ATP2B4: variants seen among roughly 807,000 people sequenced by gnomAD.
ATP2B4 encodes ATPase plasma membrane Ca2+ transporting 4.
A neutral mutation model predicts 110.3 loss-of-function variants in ATP2B4; 39 were observed. The observed-to-expected ratio is 0.35, with a 90% CI of 0.27 to 0.46. ATP2B4 has a LOEUF of 0.46. Ranked by LOEUF, ATP2B4 falls within the 20% of genes least tolerant of loss-of-function variation. The pLI is 1.00. For synonymous variants in ATP2B4, 538 were observed against 571.7 expected (o/e 0.94, Z 0.84); for missense variants, 1,135 against 1,530.9 (o/e 0.74, Z 4.32).
intron 20 of ATP2B4, among the ~76,000 whole-genome samples, chr1:203,734,959 C>T (rs1473184138): frequency 1.5e-5 from 2 of 131,494 alleles, no homozygotes; most frequent in African/African-American, 5.7e-5. Context: ...AGCCAAGATG[C>T]TCTACTGCAC....
chr1:203,715,560 A>T (rs994447877), intron 15 of ATP2B4, among the ~76,000 whole-genome samples: 2 of 142,616 alleles, frequency 1.4e-5, no homozygotes, highest in African/African-American at 2.6e-5. Flanking sequence ...CTCAAAAAAA[A>T]TTTTCTTTTC....
chr1:203,731,098 C>T (rs1666694976), intron 20 of ATP2B4, among the ~76,000 whole-genome samples: 1 of 152,190 alleles, frequency 6.6e-6, no homozygotes, highest in African/African-American at 2.4e-5. Context: ...AAGAAGGTGT[C>T]TCTACAGTCC....
chr1:203,730,147 A>T (rs547371001), intron 20 of ATP2B4, among the ~76,000 whole-genome samples: 13 of 150,664 alleles, frequency 8.6e-5, no homozygotes, highest in East Asian at 5.8e-4. Flanking sequence ...TCCTTTTTTT[A>T]AAAAAAAATT....
In ATP2B4 at chr1:203,699,522, G is replaced by A; in HGVS notation, c.454G>A (p.Gly152Arg). The A allele has an allele frequency of 6.2e-7, 1 of 1,614,158 alleles. No homozygotes were observed. The highest frequency in any genetic ancestry group is 8.5e-7 in the Non-Finnish European group (1 of 1,180,036). Residue 152 changes from glycine to arginine, a missense_variant, in exon 4 of 21, where the codon GGG becomes AGG. By Grantham distance (125) the Gly-to-Arg change is moderately radical. Transcript: ENST00000357681. Reference sequence around the variant, plus strand: ...TGAGGCACAAGCTGGCTGGATTGAGGGGGCAGCCATCCTTTTCTCAGTGAT... The same window carrying A: ...TGAGGCACAAGCTGGCTGGATTGAGAGGGCAGCCATCCTTTTCTCAGTGAT... ...ENEAQAGWIE[G>R]AAILFSVIIV... is the part of the protein sequence containing the mutation.
At chr1:203,680,477 T>C (rs1041639111) in intron 1 of ATP2B4, among the ~76,000 whole-genome samples, 8 of 151,684 alleles carry the variant, frequency 5.3e-5, no homozygotes, top group Admixed American at 6.6e-5. Context: ...GGTGTGGTGG[T>C]GGGCGCCTGT....
intron 14 of ATP2B4, 107 bp from the exon 15 acceptor site, chr1:203,714,064 A>G: frequency 9.1e-7 from 1 of 1,103,710 alleles, no homozygotes; most frequent in African/African-American, 1.5e-5. Context: ...AACTTCTAGG[A>G]AAGGGAAAAG....
At chr1:203,723,232 C>G (rs945903472) in intron 18 of ATP2B4, among the ~76,000 whole-genome samples, 10 of 151,334 alleles carry the variant, frequency 6.6e-5, no homozygotes, top group Non-Finnish European at 8.8e-5. Flanking sequence ...AGGGCACCTC[C>G]CTTTATTTGT....
At chr1:203,702,404 C>T (rs1258796869) in intron 7 of ATP2B4, among the ~76,000 whole-genome samples, 1 of 152,184 alleles carries the variant, frequency 6.6e-6, no homozygotes, top group African/African-American at 2.4e-5. Flanking sequence ...TAAACACCAA[C>T]AGTCATCAGT....
chr1:203,690,384 C>A (rs1665331030), intron 2 of ATP2B4, among the ~76,000 whole-genome samples: 1 of 152,206 alleles, frequency 6.6e-6, no homozygotes, highest in African/African-American at 2.4e-5. Flanking sequence ...ACTATTAATA[C>A]ATCTAACACT....
At chr1:203,637,435 C>CAAA (rs57493948) in intron 1 of ATP2B4, among the ~76,000 whole-genome samples, 20 of 89,034 alleles carry the variant, frequency 2.2e-4, no homozygotes, top group East Asian at 3.9e-4. Flanking sequence ...GACTCTGTCT[C>CAAA]AAAAAAAAAA....
At chr1:203,719,640 A>G (rs1666262300) in intron 15 of ATP2B4, among the ~76,000 whole-genome samples, 1 of 151,938 alleles carries the variant, frequency 6.6e-6, no homozygotes, top group African/African-American at 2.4e-5. Context: ...GCTTGAACCC[A>G]GGAGTCAGAG....
chr1:203,682,266 G>A (rs1665037984), intron 1 of ATP2B4, among the ~76,000 whole-genome samples: 1 of 151,968 alleles, frequency 6.6e-6, no homozygotes, highest in Non-Finnish European at 1.5e-5. Flanking sequence ...GAAGAGTGTG[G>A]GTTGTGGGAG....
intron 1 of ATP2B4, among the ~76,000 whole-genome samples, chr1:203,669,981 C>T (rs1029216854): frequency 2.0e-5 from 3 of 152,190 alleles, no homozygotes; most frequent in Non-Finnish European, 4.4e-5. Context: ...ACCTCTTTGC[C>T]TGCCCTTTGT....
At chr1:203,686,757 G>A (rs1237625567) in intron 2 of ATP2B4, among the ~76,000 whole-genome samples, 4 of 137,706 alleles carry the variant, frequency 2.9e-5, no homozygotes, top group Admixed American at 7.9e-5. Flanking sequence ...GTAATGGCGC[G>A]ATATTGGCTC....
At chr1:203,737,026 G>A (rs1666894184) in intron 20 of ATP2B4, among the ~76,000 whole-genome samples, 2 of 152,168 alleles carry the variant, frequency 1.3e-5, no homozygotes, top group South Asian at 4.1e-4. Flanking sequence ...AAGTCCTGCA[G>A]TCTAGCTGGA....
intron 2 of ATP2B4, among the ~76,000 whole-genome samples, chr1:203,688,622 T>C (rs1227325616): frequency 1.3e-5 from 2 of 152,132 alleles, no homozygotes; most frequent in East Asian, 3.9e-4. Flanking sequence ...GTTTTGATAC[T>C]GGCTTGTGTT....
At chr1:203,652,815 C>T (rs1664038667) in intron 1 of ATP2B4, among the ~76,000 whole-genome samples, 2 of 152,208 alleles carry the variant, frequency 1.3e-5, no homozygotes, top group South Asian at 2.1e-4. Context: ...GCCTCACTGA[C>T]GAGCTGTTCT....
intron 1 of ATP2B4, among the ~76,000 whole-genome samples, chr1:203,649,378 G>A (rs1412750179): frequency 6.6e-6 from 1 of 152,184 alleles, no homozygotes; most frequent in Admixed American, 6.5e-5. Context: ...TAACCTCTGA[G>A]CCTCACTTTT....
At chr1:203,650,680 G>A (rs974809496) in intron 1 of ATP2B4, among the ~76,000 whole-genome samples, 1 of 152,172 alleles carries the variant, frequency 6.6e-6, no homozygotes, top group South Asian at 2.1e-4. Flanking sequence ...GGGCTAGGGC[G>A]AGCGAGGCTG....
Sources: allele counts gnomAD v4.1 joint callset (sites outside exome capture counted in the v4.1 genomes callset), GRCh38; gene constraint gnomAD v4.1.1; transcripts MANE v1.5; gene names NCBI Gene and HGNC (gene_info 2026-07-23, HGNC 2026-07-21).